FLNC: variants seen among roughly 807,000 people sequenced by gnomAD.
FLNC encodes the protein filamin C.
In FLNC, 91 loss-of-function variants were observed where a neutral mutation model predicts 254.3. The observed-to-expected ratio is 0.36, with a 90% CI of 0.30 to 0.43. The LOEUF (loss-of-function observed/expected upper bound fraction) is 0.43. FLNC is among the 20% of genes least tolerant of loss of function. The pLI is 1.00. For missense variants in FLNC, 2,853 were observed against 3,802.6 expected (o/e 0.75, Z 6.57); for synonymous variants, 1,430 against 1,577.2 (o/e 0.91, Z 2.21).
chr7:128,848,502 A>AC (rs1282589004), intron 26 of FLNC, 59 bp from the exon 27 acceptor site: 1 of 1,571,678 alleles, frequency 6.4e-7, no homozygotes, highest in Non-Finnish European at 8.7e-7. Context: ...AGATGAGATC[A>AC]CCCCCCACCG....
At position 128,852,748 on chromosome 7, in the gene FLNC, C is replaced by G. The variant is rs1254027067; in HGVS notation, c.6000C>G (p.His2000Gln). 3.1e-6 allele frequency: 5 copies of G among 1,613,120 alleles called. No individual in the cohort carries two copies. Among genetic ancestry groups the G allele is most frequent in the African/African-American group, 1.3e-5 (1 of 74,940 alleles). Residue 2000 changes from histidine to glutamine, a missense_variant, in exon 36 of 48, where the codon CAC becomes CAG. His to Gln is a conservative substitution (Grantham distance 24). This residue lies in a region of FLNC where 551 missense variants were observed against 835.0 expected (regional missense o/e 0.66). Coordinates refer to ENST00000325888, the MANE Select transcript of FLNC (RefSeq NM_001458.5). ...PCLLKRLPNR[H>Q]IGISFTPKEV... Reference sequence around the variant, plus strand: ...TGCTGAAGCGCCTGCCCAACCGGCACATTGGTGAGCGTGGGGCCTCACGGG... The same window carrying G: ...TGCTGAAGCGCCTGCCCAACCGGCAGATTGGTGAGCGTGGGGCCTCACGGG...
Position 128,856,799 on chromosome 7 carries a change from T to C in FLNC, c.7439T>C (p.Val2480Ala), listed in dbSNP as rs1376119645. The change falls in exon 45 of 48, where the codon GTC becomes GCC. Residue 2480 changes from valine (V) to alanine (A), a missense_variant. By Grantham distance (64) the Val-to-Ala change is moderately conservative. Transcript: ENST00000325888. This position sits in a 1 kb window ranked among gnomAD's most constrained non-coding sequence, Gnocchi z 5.9. ...GAGAATGGCGTCCACTCCATCGATG[T>C]CAAGTTCAACGGTGCCCACATCCCT... Reference protein sequence around the residue: ...PHENGVHSIDVKFNGAHIPGS... With the variant: ...PHENGVHSIDAKFNGAHIPGS... The C allele has an allele frequency of 5.0e-6, 8 of 1,613,988 alleles. No homozygotes were observed. Among genetic ancestry groups the C allele is most frequent in the African/African-American group, 2.7e-5 (2 of 74,890 alleles).
At position 128,848,777 on chromosome 7, in the gene FLNC, T is replaced by G. The variant is rs1808677577; in HGVS notation, c.4738-16T>G. 1 of 1,614,002 alleles carries G rather than the reference T, an allele frequency of 6.2e-7. No individual in the cohort carries two copies. The highest frequency in any genetic ancestry group is 1.3e-5 in the African/African-American group (1 of 74,906). On this transcript the variant is annotated splice_polypyrimidine_tract_variant and intron_variant, in intron 27 of 47. Transcript: ENST00000325888. The stretch of plus-strand genomic sequence containing the variant: ...CTCCAGGCACAGGCGGGCCTTGACC[T>G]CTGCTTCTCCCTCAGGACCCCGAGG...
At position 128,841,619 on chromosome 7, in the gene FLNC, G is replaced by C. The variant is rs778834700; in HGVS notation, c.2121+52G>C. On this transcript the variant is annotated intron_variant, in intron 13 of 47. Transcript: ENST00000325888. This position sits in a 1 kb window ranked among gnomAD's most constrained non-coding sequence, Gnocchi z 4.3. ...CCTTACTACCCATGGCAGGGACCCTGGAAGGCAGGGCCAGGCCAGAGGCAG... is the reference window on the plus strand; with the variant it reads ...CCTTACTACCCATGGCAGGGACCCTCGAAGGCAGGGCCAGGCCAGAGGCAG... The C allele has an allele frequency of 7.0e-7, 1 of 1,420,944 alleles. No homozygotes were observed. Among genetic ancestry groups the C allele is most frequent in the Admixed American group, 1.7e-5 (1 of 59,698 alleles). 88.0% of individuals were successfully genotyped at this position (1,420,944 alleles called of 1,614,324 possible).
rs1807840725 is a variant in FLNC at position 128,830,523 on chromosome 7, A to G, written c.-115A>G. ...CCAGCCCCGGCGCGAGAGAAGTTGGAGAGGAGAGCAGCGCAGCGCAGCGAG... is the reference window on the plus strand; with the variant it reads ...CCAGCCCCGGCGCGAGAGAAGTTGGGGAGGAGAGCAGCGCAGCGCAGCGAG... On this transcript the variant is annotated 5_prime_UTR_variant, in exon 1 of 48. Coordinates refer to ENST00000325888, the MANE Select transcript of FLNC (RefSeq NM_001458.5). The G allele has an allele frequency of 1.1e-6, 1 of 874,592 alleles. No homozygotes were observed. Among genetic ancestry groups the G allele is most frequent in the Non-Finnish European group, 1.8e-6 (1 of 559,216 alleles). 54.2% of individuals were successfully genotyped at this position (874,592 alleles called of 1,614,324 possible).
rs1318230084 is a variant in FLNC at position 128,842,986 on chromosome 7, T to C, written c.2550+32T>C. ...AAGCTCCTGGGTACTCACAGCGACATGCACCTGCCAGCTCCAGAAGGCAGC... is the reference window on the plus strand; with the variant it reads ...AAGCTCCTGGGTACTCACAGCGACACGCACCTGCCAGCTCCAGAAGGCAGC... On this transcript the variant is annotated intron_variant, in intron 16 of 47. Transcript: ENST00000325888. This position sits in a 1 kb window ranked among gnomAD's most constrained non-coding sequence, Gnocchi z 5.4. 2 of 1,612,128 alleles carry C rather than the reference T, an allele frequency of 1.2e-6. No individual in the cohort carries two copies. The highest frequency in any genetic ancestry group is 1.1e-5 in the South Asian group (1 of 90,994).
rs1809137252 is a variant in FLNC, at chr7:128,857,920, G to C, written c.7781-88G>C. On this transcript the variant is annotated intron_variant, in intron 46 of 47. Transcript: ENST00000325888. The surrounding 1 kb of genome is among the most constrained non-coding windows in gnomAD (Gnocchi z 4.5). ...CAAATGCAGGCAGTGAGTCCCACAG[G>C]GTGGCAGTGCTGGCCGAGGGTCCCC... The C allele has an allele frequency of 1.1e-6, 1 of 924,346 alleles. No homozygotes were observed. The highest frequency in any genetic ancestry group is 1.7e-6 in the Non-Finnish European group (1 of 576,520). 57.3% of individuals were successfully genotyped at this position (924,346 alleles called of 1,614,324 possible). A position where few individuals can be genotyped will look rare whatever the true frequency, so the allele number is the denominator to read the frequency against.
At chr7:128,852,476 G>A in intron 35 of FLNC, 115 bp from the exon 36 acceptor site, 1 of 1,209,812 alleles carries the variant, frequency 8.3e-7, no homozygotes, top group Non-Finnish European at 1.2e-6. Flanking sequence ...GCACCTGGGA[G>A]TGGCCCCCCG....
rs767303825 is a variant in FLNC, at chr7:128,852,560, T to C, written c.5843-31T>C. The stretch of plus-strand genomic sequence containing the variant: ...TGAGGGCAGGGCCTGCCTGGAGTCA[T>C]AGCAGCCTGATGCCCCAACTCCCCC... On this transcript the variant is annotated intron_variant, in intron 35 of 47. Transcript: ENST00000325888. 2.5e-6 allele frequency: 4 copies of C among 1,612,688 alleles called. No individual in the cohort carries two copies. The South Asian group carries it at 3.3e-5, about 13-fold the overall frequency.
intron 42 of FLNC, 73 bp downstream of exon 42, chr7:128,854,985 CAGG>C (rs1808993117): frequency 6.5e-7 from 1 of 1,541,280 alleles, no homozygotes; most frequent in Non-Finnish European, 8.9e-7. Context: ...ACTGGCCAGG[CAGG>C]AGATGCTTGG....
chr7:128,845,334 A>T, intron 21 of FLNC, 79 bp downstream of exon 21: 2 of 1,222,292 alleles, frequency 1.6e-6, no homozygotes, highest in Non-Finnish European at 2.3e-6. Context: ...AGGGAAGAAG[A>T]GCTGAGAGCT....
In FLNC at chr7:128,840,056, G is replaced by A. The variant is rs770337434; in HGVS notation, c.1445G>A (p.Arg482Gln). 8 of 1,614,040 alleles carry A rather than the reference G, an allele frequency of 5.0e-6. No homozygotes were observed. The highest frequency in any genetic ancestry group is 5.1e-6 in the Non-Finnish European group (6 of 1,180,026). Residue 482 changes from arginine (R) to glutamine (Q), a missense_variant, in exon 9 of 48, where the codon CGA (arginine) becomes CAA (glutamine). Physicochemically the swap from Arg to Gln is conservative, Grantham distance 43. Around this residue, in one of 10 missense-constraint regions of FLNC, gnomAD observed 1,573 missense variants for 1,883.5 expected, o/e 0.84. Coordinates refer to ENST00000325888, the MANE Select transcript of FLNC (RefSeq NM_001458.5). Reference sequence around the variant, plus strand: ...CCCAACGCCTGCCGCGCCTCTGGGCGAGGCCTGCAGCCCAAGGGTGTTCGC... The same window carrying A: ...CCCAACGCCTGCCGCGCCTCTGGGCAAGGCCTGCAGCCCAAGGGTGTTCGC... Reference protein sequence around the residue: ...CNPNACRASGRGLQPKGVRVK... With the variant: ...CNPNACRASGQGLQPKGVRVK...
At chr7:128,843,955 G>C in intron 19 of FLNC, 42 bp downstream of exon 19, 1 of 1,614,080 alleles carries the variant, frequency 6.2e-7, no homozygotes, top group Non-Finnish European at 8.5e-7. Flanking sequence ...GGGGTATTCG[G>C]GTAGGGTGGA....
rs1394124123 is a variant in FLNC, at chr7:128,830,628, C to CCG, written c.-6_-5dup. ...CCCTAGCCCCGGCCGCACCCCCAGC[C>CCG]CGCGCCAGCATGATGAACAACAGCG... On this transcript the variant is annotated 5_prime_UTR_variant, in exon 1 of 48. Coordinates refer to ENST00000325888, the MANE Select transcript of FLNC (RefSeq NM_001458.5). The CCG allele has an allele frequency of 1.2e-6, 2 of 1,611,644 alleles. No homozygotes were observed. The highest frequency in any genetic ancestry group is 1.7e-6 in the Non-Finnish European group (2 of 1,179,464).
Position 128,858,425 on chromosome 7 carries a change from G to A in FLNC, c.8080G>A (p.Val2694Ile), listed in dbSNP as rs765388755. Residue 2694 changes from valine to isoleucine, a missense_variant, in exon 48 of 48, where the codon GTC (valine) becomes ATC (isoleucine). Val to Ile is a conservative substitution (Grantham distance 29, BLOSUM62 3). Coordinates refer to ENST00000325888, the MANE Select transcript of FLNC (RefSeq NM_001458.5). The surrounding 1 kb of genome is among the most constrained non-coding windows in gnomAD (Gnocchi z 6.7). ...GCACATGGGGAACCGGGTGTACAAT[G>A]TCACCTACACTGTCAAGGAGAAAGG... ...VKHMGNRVYN[V>I]TYTVKEKGDY... is the part of the protein sequence containing the mutation. 3.0e-5 allele frequency: 49 copies of A among 1,612,188 alleles called. No individual in the cohort carries two copies. The highest frequency in any genetic ancestry group is 6.8e-6 in the Non-Finnish European group (8 of 1,178,670).
intron 35 of FLNC, among the ~76,000 whole-genome samples, chr7:128,852,011 G>A (rs529571292): frequency 6.6e-6 from 1 of 152,128 alleles, no homozygotes; most frequent in African/African-American, 2.4e-5. Context: ...GACTCCAGGC[G>A]CCCGCCACCA....
At chr7:128,854,264 G>T in intron 40 of FLNC, 48 bp downstream of exon 40, 1 of 1,603,470 alleles carries the variant, frequency 6.2e-7, no homozygotes, top group Non-Finnish European at 8.5e-7. Context: ...CGGGATGGGA[G>T]GGTGCTGCGG....
chr7:128,853,956 G>A lies in FLNC; in HGVS notation c.6485-18G>A. ...CCCCTCGCTTCCCTCCCTCACCCTGGCTCCCTTGACCACACAGGAAACTGG... is the reference window on the plus strand; with the variant it reads ...CCCCTCGCTTCCCTCCCTCACCCTGACTCCCTTGACCACACAGGAAACTGG... On this transcript the variant is annotated intron_variant, in intron 39 of 47. Coordinates refer to ENST00000325888, the MANE Select transcript of FLNC (RefSeq NM_001458.5). The A allele has an allele frequency of 6.2e-7, 1 of 1,613,298 alleles. No individual in the cohort carries two copies. The highest frequency in any genetic ancestry group is 8.5e-7 in the Non-Finnish European group (1 of 1,180,034).
Position 128,843,779 on chromosome 7 carries a change from AC to A in FLNC, c.2812-15del. 3.1e-6 allele frequency: 5 copies of A among 1,607,352 alleles called. No individual in the cohort carries two copies. In the South Asian group the frequency reaches 3.3e-5, roughly 11 times the overall value. On this transcript the variant is annotated splice_polypyrimidine_tract_variant and intron_variant, in intron 18 of 47. Transcript: ENST00000325888. ...CTTGCCTTATATCCAGTTCTGACCTACCATTGTACCCAACAGGGCAACATGG... is the reference window on the plus strand; with the variant it reads ...CTTGCCTTATATCCAGTTCTGACCTACATTGTACCCAACAGGGCAACATGG...
Sources: gnomAD v4.1 joint callset for allele counts (sites outside exome capture counted in the v4.1 genomes callset) on GRCh38, gnomAD v4.1.1 for gene constraint, gnomAD v4.1.1 regional missense constraint, Gnocchi (gnomAD v3.1) non-coding constraint, MANE v1.5 for transcripts, NCBI Gene and HGNC (gene_info 2026-07-23, HGNC 2026-07-21) for gene names.